Variants in FBXL7 observed in about 807,000 individuals in gnomAD.
The protein encoded by FBXL7 is F-box/LRR-repeat protein 7.
A neutral mutation model predicts 38.3 loss-of-function variants in FBXL7; 12 were observed. The observed-to-expected ratio is 0.31, with a 90% confidence interval of 0.20 to 0.51. The LOEUF (loss-of-function observed/expected upper bound fraction) is 0.51. Ranked by LOEUF, FBXL7 falls within the 20% of genes least tolerant of loss-of-function variation. FBXL7 has a pLI of 0.98. For missense variants in FBXL7, 567 were observed against 676.4 expected (o/e 0.84, Z 1.79); for synonymous variants, 297 against 300.9 (o/e 0.99, Z 0.13).
rs150590219 is a variant in FBXL7, at chr5:15,792,578, G to C, written c.128-135312G>C. Reference sequence around the variant, plus strand: ...AATACCTAAAAGCAGTGATGTTGGAGTTACCTTTCAGGAAGGTAAAGACTT... The same window carrying C: ...AATACCTAAAAGCAGTGATGTTGGACTTACCTTTCAGGAAGGTAAAGACTT... On this transcript the variant is annotated intron_variant, in intron 2 of 3. Coordinates refer to ENST00000504595, the MANE Select transcript of FBXL7 (RefSeq NM_012304.5). 1.7e-4 allele frequency among the ~76,000 whole-genome samples: 26 copies of C among 152,338 alleles called. No individual in the cohort carries two copies. The East Asian group carries it at 5.0e-3, about 29-fold the overall frequency.
intron 2 of FBXL7, among the ~76,000 whole-genome samples, chr5:15,918,898 T>C (rs539639663): frequency 1.3e-5 from 2 of 152,362 alleles, no homozygotes; most frequent in African/African-American, 4.8e-5. Context: ...AAGATTAACG[T>C]CTGCATACAT....
Position 15,699,212 on chromosome 5 carries a change from G to A in FBXL7, c.127+83140G>A, listed in dbSNP as rs577914794. 2.0e-5 allele frequency among the ~76,000 whole-genome samples: 3 copies of A among 152,194 alleles called. No individual in the cohort carries two copies. In the East Asian group the frequency reaches 5.8e-4, roughly 29 times the overall value. The stretch of plus-strand genomic sequence containing the variant: ...GTATGTTCATTTTCTGGGGGCTACC[G>A]AAACAAAGTACCATACATTGGGTGG... On this transcript the variant is annotated intron_variant, in intron 2 of 3. Coordinates refer to ENST00000504595, the MANE Select transcript of FBXL7 (RefSeq NM_012304.5).
At chr5:15,851,818 A>G (rs1361053866) in intron 2 of FBXL7, among the ~76,000 whole-genome samples, 1 of 137,666 alleles carries the variant, frequency 7.3e-6, no homozygotes, top group East Asian at 2.1e-4. Flanking sequence ...ACTAATACAC[A>G]CACACACACA....
At chr5:15,595,424 A>G (rs78300018) in intron 1 of FBXL7, among the ~76,000 whole-genome samples, 5,793 of 152,238 alleles carry the variant, frequency 0.038, 355 homozygotes, top group African/African-American at 0.13. Flanking sequence ...GCTGAGGTAC[A>G]GGGAGGAAAG....
Position 15,707,175 on chromosome 5 carries a change from T to TG in FBXL7, c.127+91103_127+91104insG, listed in dbSNP as rs1491305609. On this transcript the variant is annotated intron_variant, in intron 2 of 3. Coordinates refer to ENST00000504595, the MANE Select transcript of FBXL7 (RefSeq NM_012304.5). ...GGTAGTGTTTCTTTTTTTCTTTTCGTTTTTTTTTTTTTTTTTTTTTTTGCA... is the reference window on the plus strand; with the variant it reads ...GGTAGTGTTTCTTTTTTTCTTTTCGTGTTTTTTTTTTTTTTTTTTTTTTGCA... Among the ~76,000 whole-genome samples, 6 of 15,664 alleles carry TG rather than the reference T, an allele frequency of 3.8e-4. No homozygotes were observed. The East Asian group carries it at 0.023, about 61-fold the overall frequency. The allele number at this position is 15,664 out of a possible 152,430, so 10.3% of individuals were successfully genotyped here.
chr5:15,818,919 CCA>C (rs1406882978), intron 2 of FBXL7, among the ~76,000 whole-genome samples: 1 of 152,074 alleles, frequency 6.6e-6, no homozygotes, highest in Non-Finnish European at 1.5e-5. Flanking sequence ...ATACTAAACT[CCA>C]TTAAGCTTGC....
At chr5:15,514,118 T>G (rs960629465) in intron 1 of FBXL7, among the ~76,000 whole-genome samples, 6 of 152,224 alleles carry the variant, frequency 3.9e-5, no homozygotes, top group Admixed American at 6.5e-5. Context: ...AAAAGGATCA[T>G]TTTTAAATGC....
chr5:15,700,210 A>G (rs115885736), intron 2 of FBXL7, among the ~76,000 whole-genome samples: 2,489 of 152,300 alleles, frequency 0.016, 71 homozygotes, highest in African/African-American at 0.057. Context: ...GTGGAACTAA[A>G]ATGTAAACAT....
intron 1 of FBXL7, among the ~76,000 whole-genome samples, chr5:15,585,683 A>T (rs1421596185): frequency 6.6e-6 from 1 of 152,124 alleles, no homozygotes; most frequent in Non-Finnish European, 1.5e-5. Flanking sequence ...GATACCATTA[A>T]CTCTAACTCC....
intron 2 of FBXL7, among the ~76,000 whole-genome samples, chr5:15,809,170 G>A (rs561780789): frequency 2.0e-5 from 3 of 152,250 alleles, no homozygotes; most frequent in East Asian, 1.9e-4. Context: ...ATCTGTGGAC[G>A]CCTGTTCTCA....
At chr5:15,792,749 C>T (rs2126732675) in intron 2 of FBXL7, among the ~76,000 whole-genome samples, 1 of 152,304 alleles carries the variant, frequency 6.6e-6, no homozygotes, top group Admixed American at 6.5e-5. Flanking sequence ...TGGATGGATC[C>T]ATGAGACTGT....
chr5:15,537,002 G>A (rs540204121), intron 1 of FBXL7, among the ~76,000 whole-genome samples: 6 of 152,238 alleles, frequency 3.9e-5, no homozygotes, highest in Admixed American at 3.9e-4. Flanking sequence ...GAGATCTGAT[G>A]GTTTAAAAGT....
chr5:15,772,066 CAGA>C (rs141400503), intron 2 of FBXL7, among the ~76,000 whole-genome samples: 5,911 of 152,150 alleles, frequency 0.039, 159 homozygotes, highest in East Asian at 0.1. Context: ...CCACCGTGCC[CAGA>C]AGGATTAACT....
intron 2 of FBXL7, among the ~76,000 whole-genome samples, chr5:15,747,655 A>C (rs978446961): frequency 6.6e-5 from 10 of 152,218 alleles, no homozygotes; most frequent in African/African-American, 2.4e-4. Context: ...CAAAGGAAAA[A>C]ATATCTATGC....
chr5:15,836,292 T>C (rs887759984), intron 2 of FBXL7, among the ~76,000 whole-genome samples: 1 of 152,174 alleles, frequency 6.6e-6, no homozygotes, highest in Non-Finnish European at 1.5e-5. Context: ...GATTTCTGCT[T>C]TTCTGGGCTC....
chr5:15,816,269 GTA>G (rs79562693), intron 2 of FBXL7, among the ~76,000 whole-genome samples: 80,758 of 149,806 alleles, frequency 0.54, 22,638 homozygotes, highest in Non-Finnish European at 0.64. Flanking sequence ...ATATATGTGT[GTA>G]TATATATATA....
At chr5:15,554,702 C>T (rs1738180834) in intron 1 of FBXL7, among the ~76,000 whole-genome samples, 2 of 152,162 alleles carry the variant, frequency 1.3e-5, no homozygotes, top group South Asian at 4.1e-4. Flanking sequence ...TCCAGCTGAT[C>T]CATCTGCATA....
chr5:15,722,921 C>CAAAAAAAAAA (rs752341974), intron 2 of FBXL7, among the ~76,000 whole-genome samples: 2 of 60,578 alleles, frequency 3.3e-5, no homozygotes, highest in Non-Finnish European at 7.6e-5. Context: ...GACTCCGTCT[C>CAAAAAAAAAA]AAAAAAAACA....
At chr5:15,831,653 C>T (rs1446104043) in intron 2 of FBXL7, among the ~76,000 whole-genome samples, 2 of 152,088 alleles carry the variant, frequency 1.3e-5, no homozygotes, top group Non-Finnish European at 2.9e-5. Flanking sequence ...TTCTGTGAAA[C>T]GCACTCTGGG....
Sources: allele counts gnomAD v4.1 joint callset (sites outside exome capture counted in the v4.1 genomes callset), GRCh38; gene constraint gnomAD v4.1.1; transcripts MANE v1.5; gene names NCBI Gene and HGNC (gene_info 2026-07-23, HGNC 2026-07-21).